The following CCDC134 variants were observed in gnomAD, a reference collection of about 807,000 sequenced individuals.
CCDC134 encodes the protein coiled-coil domain containing 134.
Under a neutral mutation model 25.6 loss-of-function variants are expected in CCDC134, and 27 were observed. The ratio of observed to expected loss-of-function variants is 1.05; its 90% CI spans 0.78 to 1.45. The LOEUF is 1.45. Among genes scored for constraint, CCDC134 ranks in the 40% most tolerant of loss-of-function variants. The pLI is 0.00. For synonymous variants in CCDC134, 110 were observed against 115.0 expected, an observed-to-expected ratio of 0.96 and a Z score of 0.28; for missense variants, 261 against 286.7, an observed-to-expected ratio of 0.91 and a Z score of 0.65.
At chr22:41,818,547 C>T (rs1478694566) in intron 6 of CCDC134, among the ~76,000 whole-genome samples, 1 of 152,218 alleles carries the variant, frequency 6.6e-6, no homozygotes, top group African/African-American at 2.4e-5. Flanking sequence ...CTGTACAACA[C>T]TATTAGCTTT....
At chr22:41,810,489 CTTTTTTTTTTTTT>C (rs960666358) in intron 4 of CCDC134, among the ~76,000 whole-genome samples, 198 bp downstream of exon 4, 2 of 86,634 alleles carry the variant, frequency 2.3e-5, no homozygotes, top group Non-Finnish European at 4.2e-5. Context: ...AATAGCATTT[CTTTTTTTTTTTTT>C]TTTTTTTTTT....
chr22:41,826,057 G>T lies in CCDC134; in HGVS notation c.*234G>T. 2.1e-6 allele frequency: 1 copy of T among 487,484 alleles called. No individual in the cohort carries two copies. Among genetic ancestry groups the T allele is most frequent in the Non-Finnish European group, 3.7e-6 (1 of 267,630 alleles). 30.2% of individuals were successfully genotyped at this position (487,484 alleles called of 1,614,324 possible). A position where few individuals can be genotyped will look rare whatever the true frequency, so the allele number is the denominator to read the frequency against. On this transcript the variant is annotated 3_prime_UTR_variant, in exon 7 of 7. Coordinates refer to ENST00000255784, the MANE Select transcript of CCDC134 (RefSeq NM_024821.5). Reference sequence around the variant, plus strand: ...GGGGCCTTCAGAGGATTTTATGCTGGAAATATGACCCTGTGCAGACTGCTG... The same window carrying T: ...GGGGCCTTCAGAGGATTTTATGCTGTAAATATGACCCTGTGCAGACTGCTG...
intron 6 of CCDC134, among the ~76,000 whole-genome samples, chr22:41,815,366 T>G (rs1159041678): frequency 4.6e-5 from 7 of 151,634 alleles, no homozygotes; most frequent in Non-Finnish European, 1.0e-4. Flanking sequence ...CCACCACACC[T>G]GGCTAATTTT....
intron 6 of CCDC134, among the ~76,000 whole-genome samples, chr22:41,824,627 G>T (rs1602247002): frequency 1.3e-5 from 2 of 152,164 alleles, no homozygotes. Flanking sequence ...AGGTGTGGTG[G>T]TGGGCGCTTG....
At chr22:41,813,492 G>A in intron 5 of CCDC134, 47 bp downstream of exon 5, 1 of 1,598,674 alleles carries the variant, frequency 6.3e-7, no homozygotes, top group Non-Finnish European at 8.6e-7. Flanking sequence ...GTCGGGTAGT[G>A]GACTAGGATC....
intron 6 of CCDC134, among the ~76,000 whole-genome samples, chr22:41,819,290 C>T (rs1451550007): frequency 1.3e-5 from 2 of 152,178 alleles, no homozygotes; most frequent in Non-Finnish European, 2.9e-5. Flanking sequence ...TCCTCAGATG[C>T]TCACAGTCTG....
intron 6 of CCDC134, among the ~76,000 whole-genome samples, chr22:41,823,220 AT>A (rs34103607): frequency 0.066 from 8,452 of 127,442 alleles, 382 homozygotes; most frequent in African/African-American, 0.2. Context: ...CATTACCAGA[AT>A]TTTTTTTTTT....
Position 41,830,758 on chromosome 22 carries a change from C to T in CCDC134, c.*4935C>T, listed in dbSNP as rs903568052. Among the ~76,000 whole-genome samples, 3 of 152,170 alleles carry T rather than the reference C, an allele frequency of 2.0e-5. No homozygotes were observed. The highest frequency in any genetic ancestry group is 2.9e-5 in the Non-Finnish European group (2 of 68,026). ...AATGCCAAAAAGAAAGTAAAATTCA[C>T]TCCAAAAGTAAAATTCACCCCAAAT... On this transcript the variant is annotated 3_prime_UTR_variant, in exon 7 of 7. Transcript: ENST00000255784.
chr22:41,801,627 A>G (rs898497053), intron 1 of CCDC134, among the ~76,000 whole-genome samples: 40 of 151,936 alleles, frequency 2.6e-4, no homozygotes, highest in African/African-American at 8.9e-4. Context: ...CCTGACCGAC[A>G]CCCTCTCATC....
At chr22:41,806,463 G>A (rs1387866467) in intron 1 of CCDC134, among the ~76,000 whole-genome samples, 6 of 151,474 alleles carry the variant, frequency 4.0e-5, no homozygotes, top group African/African-American at 1.2e-4. Flanking sequence ...CTTGTGATCC[G>A]CCCACCTCGG....
chr22:41,827,328 T>G lies in CCDC134; in HGVS notation c.*1505T>G, dbSNP rs2076684607. On this transcript the variant is annotated 3_prime_UTR_variant, in exon 7 of 7. Transcript: ENST00000255784. The stretch of plus-strand genomic sequence containing the variant: ...TGGGACTGACTCAACAGACATAGTT[T>G]CATCTCCACCCTGCCCTTCTCAGGT... Among the ~76,000 whole-genome samples the G allele has an allele frequency of 6.6e-6, 1 of 152,152 alleles. No individual in the cohort carries two copies. Among genetic ancestry groups the G allele is most frequent in the African/African-American group, 2.4e-5 (1 of 41,440 alleles).
chr22:41,824,486 C>T (rs1205799472), intron 6 of CCDC134, among the ~76,000 whole-genome samples: 4 of 152,192 alleles, frequency 2.6e-5, no homozygotes, highest in East Asian at 3.9e-4. Context: ...ATCCATCCGG[C>T]GCAGTGGCTC....
At position 41,825,794 on chromosome 22, in the gene CCDC134, A is replaced by G; in HGVS notation, c.661A>G (p.Arg221Gly). ...GCGGAAGGAGATCCGAAAAGGCCCAAGGATCTCCAGATCCCAGTCTGAGTT... is the reference window on the plus strand; with the variant it reads ...GCGGAAGGAGATCCGAAAAGGCCCAGGGATCTCCAGATCCCAGTCTGAGTT... ...EKRKEIRKGP[R>G]ISRSQSEL Residue 221 changes from arginine (R) to glycine (G), a missense_variant, in exon 7 of 7, where the codon AGG becomes GGG. Coordinates refer to ENST00000255784, the MANE Select transcript of CCDC134 (RefSeq NM_024821.5). The surrounding 1 kb of genome is among the most constrained non-coding windows in gnomAD (Gnocchi z 4.4). 6.2e-7 allele frequency: 1 copy of G among 1,614,178 alleles called. No individual in the cohort carries two copies. The highest frequency in any genetic ancestry group is 8.5e-7 in the Non-Finnish European group (1 of 1,180,002).
Position 41,813,434 on chromosome 22 carries a change from A to G in CCDC134, c.481A>G (p.Ile161Val). 1.2e-6 allele frequency: 2 copies of G among 1,614,226 alleles called. No individual in the cohort carries two copies. Among genetic ancestry groups the G allele is most frequent in the Non-Finnish European group, 8.5e-7 (1 of 1,180,040 alleles). Reference protein sequence around the residue: ...GVFNQGPHSPILSLMAQELGI... With the variant: ...GVFNQGPHSPVLSLMAQELGI... ...CTTCAACCAGGGGCCCCACTCGCCCATCCTCAGCCTGGTAAGGACTGGGGT... is the reference window on the plus strand; with the variant it reads ...CTTCAACCAGGGGCCCCACTCGCCCGTCCTCAGCCTGGTAAGGACTGGGGT... The change falls in exon 5 of 7, where the codon ATC becomes GTC. Residue 161 changes from isoleucine to valine, a missense_variant. Transcript: ENST00000255784.
At chr22:41,805,491 G>A (rs2076563660) in intron 1 of CCDC134, among the ~76,000 whole-genome samples, 1 of 152,100 alleles carries the variant, frequency 6.6e-6, no homozygotes. Flanking sequence ...GGGTTAAATA[G>A]GGAGAAAAAG....
At chr22:41,809,118 C>T in intron 2 of CCDC134, 125 bp downstream of exon 2, 1 of 710,082 alleles carries the variant, frequency 1.4e-6, no homozygotes, top group South Asian at 1.8e-5. Context: ...GTGAGGTGCT[C>T]TAGCCAGACC....
At chr22:41,820,301 T>TTC in intron 6 of CCDC134, among the ~76,000 whole-genome samples, 1 of 151,336 alleles carries the variant, frequency 6.6e-6, no homozygotes, top group Non-Finnish European at 1.5e-5. Context: ...CAGCCGTTAT[T>TTC]TATATATATA....
Position 41,831,928 on chromosome 22 carries a change from G to C in CCDC134, c.*6105G>C, listed in dbSNP as rs1252483612. The C allele has an allele frequency of 6.6e-6, 1 of 152,124 alleles. No individual in the cohort carries two copies. The highest frequency in any genetic ancestry group is 1.5e-5 in the Non-Finnish European group (1 of 68,032). 9.4% of individuals were successfully genotyped at this position (152,124 alleles called of 1,614,324 possible). ...ATCTCACTTAACCACAGCTATGAGGGATGCTATTTTATCCCCATTTTAGAG... is the reference window on the plus strand; with the variant it reads ...ATCTCACTTAACCACAGCTATGAGGCATGCTATTTTATCCCCATTTTAGAG... On this transcript the variant is annotated 3_prime_UTR_variant, in exon 7 of 7. Coordinates refer to ENST00000255784, the MANE Select transcript of CCDC134 (RefSeq NM_024821.5).
intron 4 of CCDC134, among the ~76,000 whole-genome samples, chr22:41,811,664 A>G (rs2076597023): frequency 1.3e-5 from 2 of 152,092 alleles, no homozygotes; most frequent in South Asian, 4.2e-4. Context: ...TTTGATGTCA[A>G]GTGATCTACC....
Sources: gnomAD v4.1 joint callset for allele counts (sites outside exome capture counted in the v4.1 genomes callset) on GRCh38, gnomAD v4.1.1 for gene constraint, Gnocchi (gnomAD v3.1) non-coding constraint, MANE v1.5 for transcripts, NCBI Gene and HGNC (gene_info 2026-07-23, HGNC 2026-07-21) for gene names.